The following N4BP1 variants were observed in gnomAD, a reference collection of about 807,000 sequenced individuals.
The protein encoded by N4BP1 is NEDD4-binding protein 1.
Under a neutral mutation model 70.9 loss-of-function variants are expected in N4BP1, and 21 were observed. The ratio of observed to expected loss-of-function variants is 0.30; its 90% CI spans 0.21 to 0.43. The LOEUF is 0.43. N4BP1 is among the 20% of genes least tolerant of loss of function. The pLI is 1.00. For missense variants in N4BP1, 936 were observed against 1,069.4 expected, an observed-to-expected ratio of 0.88 and a Z score of 1.74; for synonymous variants, 387 against 394.6, an observed-to-expected ratio of 0.98 and a Z score of 0.23.
In N4BP1 at chr16:48,555,218, G is replaced by A. The variant is rs954359202; in HGVS notation, c.1890-1549C>T. Among the ~76,000 whole-genome samples, 4 of 152,264 alleles carry A rather than the reference G, an allele frequency of 2.6e-5. No homozygotes were observed. In the East Asian group the frequency reaches 5.8e-4, roughly 22 times the overall value. ...TGAGTTCCAATCCTGTATGGTGCACGAGAATCACAGAGATAGAATGGCATT... is the reference window on the plus strand; with the variant it reads ...TGAGTTCCAATCCTGTATGGTGCACAAGAATCACAGAGATAGAATGGCATT... On this transcript the variant is annotated intron_variant, in intron 2 of 6. Transcript: ENST00000262384.
chr16:48,604,886 G>A (rs1303110414), intron 1 of N4BP1, among the ~76,000 whole-genome samples: 2 of 152,128 alleles, frequency 1.3e-5, no homozygotes, highest in South Asian at 4.1e-4. Flanking sequence ...AATGCGATAC[G>A]CATGGGAAGC....
chr16:48,562,844 T>C (rs1016809269), intron 1 of N4BP1, among the ~76,000 whole-genome samples: 4 of 152,224 alleles, frequency 2.6e-5, no homozygotes, highest in Admixed American at 6.5e-5. Context: ...AATCAAGTGA[T>C]TGACTACAGA....
At chr16:48,576,171 G>GA (rs1205388497) in intron 1 of N4BP1, among the ~76,000 whole-genome samples, 6 of 151,030 alleles carry the variant, frequency 4.0e-5, no homozygotes, top group Admixed American at 1.3e-4. Flanking sequence ...AAAAGCCTCA[G>GA]AAAAAAAACA....
At chr16:48,574,947 T>G (rs145009544) in intron 1 of N4BP1, among the ~76,000 whole-genome samples, 2 of 152,116 alleles carry the variant, frequency 1.3e-5, no homozygotes, top group African/African-American at 4.8e-5. Context: ...ACAGACAGAG[T>G]TGTCTGACAG....
intron 2 of N4BP1, among the ~76,000 whole-genome samples, chr16:48,559,459 C>CA (rs1225666537): frequency 3.3e-5 from 5 of 152,138 alleles, no homozygotes; most frequent in Admixed American, 2.0e-4. Context: ...AATATTTCTT[C>CA]AAAAATCAAT....
At chr16:48,582,144 C>T (rs1282020739) in intron 1 of N4BP1, among the ~76,000 whole-genome samples, 1 of 152,150 alleles carries the variant, frequency 6.6e-6, no homozygotes, top group Non-Finnish European at 1.5e-5. Flanking sequence ...TTTGAATAGA[C>T]ACATTTATCA....
chr16:48,606,830 A>G (rs142782648), intron 1 of N4BP1, among the ~76,000 whole-genome samples: 1 of 152,340 alleles, frequency 6.6e-6, no homozygotes, highest in East Asian at 1.9e-4. Context: ...TTTTGAGCAG[A>G]GACACTATAG....
Position 48,561,053 on chromosome 16 carries a change from T to C in N4BP1, c.1590A>G (p.Pro530=), listed in dbSNP as rs1963847892. 6.2e-7 allele frequency: 1 copy of C among 1,613,898 alleles called. No homozygotes were observed. The highest frequency in any genetic ancestry group is 1.7e-5 in the Admixed American group (1 of 60,000). The stretch of plus-strand genomic sequence containing the variant: ...TCATATTATTTGGAAGCAAGGGTTC[T>C]GGCTGCTGGTGTAAACCATTTTCAG... ...LFPENGLHQQ[P]EPLLPNNMKS... Residue 530 remains proline (P), a synonymous_variant, in exon 2 of 7, where the codon CCA becomes CCG. Coordinates refer to ENST00000262384, the MANE Select transcript of N4BP1 (RefSeq NM_153029.4).
chr16:48,595,494 T>C (rs1964398989), intron 1 of N4BP1, among the ~76,000 whole-genome samples: 2 of 150,942 alleles, frequency 1.3e-5, no homozygotes, highest in African/African-American at 2.4e-5. Flanking sequence ...GAAAACTTTC[T>C]TTTGCACTAT....
intron 3 of N4BP1, among the ~76,000 whole-genome samples, chr16:48,552,395 C>T (rs1963681718): frequency 6.6e-6 from 1 of 151,916 alleles, no homozygotes; most frequent in Admixed American, 6.6e-5. Context: ...ATGCAGAGCA[C>T]ATAAGCACTA....
At chr16:48,571,501 T>C (rs1353404302) in intron 1 of N4BP1, among the ~76,000 whole-genome samples, 1 of 152,114 alleles carries the variant, frequency 6.6e-6, no homozygotes, top group Non-Finnish European at 1.5e-5. Context: ...GCAGATCACA[T>C]GGAGAACTGC....
intron 5 of N4BP1, among the ~76,000 whole-genome samples, 184 bp downstream of exon 5, chr16:48,547,823 C>T (rs901981020): frequency 6.6e-6 from 1 of 152,204 alleles, no homozygotes; most frequent in East Asian, 1.9e-4. Flanking sequence ...GCTGGGCCCC[C>T]GCTTACCTGG....
chr16:48,567,904 A>G (rs1963965788), intron 1 of N4BP1, among the ~76,000 whole-genome samples: 2 of 151,924 alleles, frequency 1.3e-5, no homozygotes, highest in Admixed American at 1.3e-4. Context: ...ACCCAATGCT[A>G]TGCTCCCTCT....
intron 2 of N4BP1, among the ~76,000 whole-genome samples, chr16:48,557,572 T>C (rs147022112): frequency 6.6e-6 from 1 of 152,290 alleles, no homozygotes; most frequent in African/African-American, 2.4e-5. Flanking sequence ...GCATTAAATA[T>C]ATGGCCTCAG....
At position 48,567,627 on chromosome 16, in the gene N4BP1, A is replaced by C. The variant is rs113894817; in HGVS notation, c.199-5183T>G. On this transcript the variant is annotated intron_variant, in intron 1 of 6. Transcript: ENST00000262384. Reference sequence around the variant, plus strand: ...AGCCACCATGCTCGGCCCCTACTGCATTTTTATCTATATCTCTTCATATAG... The same window carrying C: ...AGCCACCATGCTCGGCCCCTACTGCCTTTTTATCTATATCTCTTCATATAG... Among the ~76,000 whole-genome samples, 1,237 of 152,190 alleles carry C rather than the reference A, an allele frequency of 8.1e-3. 12 individuals are homozygous for C. The highest frequency in any genetic ancestry group is 0.028 in the African/African-American group (1,143 of 41,534).
intron 1 of N4BP1, among the ~76,000 whole-genome samples, chr16:48,588,155 A>C (rs1964275919): frequency 1.3e-5 from 2 of 152,092 alleles, no homozygotes; most frequent in African/African-American, 4.8e-5. Context: ...AAATACAAAG[A>C]CGCTACTGTG....
chr16:48,581,120 G>A (rs1316645546), intron 1 of N4BP1, among the ~76,000 whole-genome samples: 1 of 151,954 alleles, frequency 6.6e-6, no homozygotes, highest in African/African-American at 2.4e-5. Context: ...TGCAAGGATG[G>A]CTGAACAAAT....
chr16:48,598,518 G>C (rs1264379691), intron 1 of N4BP1, among the ~76,000 whole-genome samples: 2 of 151,974 alleles, frequency 1.3e-5, no homozygotes, highest in African/African-American at 2.4e-5. Context: ...ATTAAGATAC[G>C]GCATGAATAA....
chr16:48,543,845 C>T (rs1963549180), intron 6 of N4BP1, among the ~76,000 whole-genome samples: 1 of 152,182 alleles, frequency 6.6e-6, no homozygotes, highest in Non-Finnish European at 1.5e-5. Flanking sequence ...GTTTCCCCAA[C>T]TTCAAAAGCT....
Sources: allele counts gnomAD v4.1 joint callset (sites outside exome capture counted in the v4.1 genomes callset), GRCh38; gene constraint gnomAD v4.1.1; transcripts MANE v1.5; gene names NCBI Gene and HGNC (gene_info 2026-07-23, HGNC 2026-07-21).